The following PSME4 variants were observed in gnomAD, a reference collection of about 807,000 sequenced individuals.
PSME4 encodes proteasome activator complex subunit 4.
Under a neutral mutation model 253.9 loss-of-function variants are expected in PSME4, and 89 were observed. The observed-to-expected ratio is 0.35, with a 90% CI of 0.30 to 0.42. The LOEUF (loss-of-function observed/expected upper bound fraction) is 0.42, where lower values mean the gene tolerates loss of function less well. PSME4 is among the 10% of genes least tolerant of loss of function. The pLI, the probability that PSME4 is intolerant of heterozygous loss-of-function variation, is 1.00. For synonymous variants in PSME4, 851 were observed against 759.2 expected (o/e 1.12, Z -1.99); for missense variants, 2,014 against 2,195.2 (o/e 0.92, Z 1.65).
At chr2:53,954,154 C>G (rs1427417256) in intron 1 of PSME4, among the ~76,000 whole-genome samples, 1 of 151,894 alleles carries the variant, frequency 6.6e-6, no homozygotes, top group African/African-American at 2.4e-5. Flanking sequence ...ACAGTGAAAC[C>G]CCATCTCTAC....
Position 53,922,556 on chromosome 2 carries a change from T to C in PSME4, c.2007A>G (p.Leu669=). The C allele has an allele frequency of 6.2e-7, 1 of 1,613,074 alleles. No individual in the cohort carries two copies. Among genetic ancestry groups the C allele is most frequent in the African/African-American group, 1.3e-5 (1 of 75,024 alleles). The change falls in exon 17 of 47, where the codon CTA becomes CTG. Residue 669 remains leucine, a synonymous_variant. Coordinates refer to ENST00000404125, the MANE Select transcript of PSME4 (RefSeq NM_014614.3). ...MNDDVLNDEE[L]DKELLWNLQL... ...GAAGATTCCATAGTAATTCCTTGTC[T>C]AGCTCTTCATCATTTAATACATCAT...
chr2:53,958,261 T>A (rs989278386), intron 1 of PSME4, among the ~76,000 whole-genome samples: 2 of 143,858 alleles, frequency 1.4e-5, no homozygotes, highest in African/African-American at 5.2e-5. Context: ...GAGGCTGAGG[T>A]GGGAGAACTG....
intron 8 of PSME4, 54 bp from the exon 9 acceptor site, chr2:53,932,814 G>C (rs931740636): frequency 2.2e-6 from 3 of 1,382,824 alleles, no homozygotes; most frequent in Non-Finnish European, 3.1e-6. Flanking sequence ...TGTAAAAACA[G>C]AGGTCAACAG....
chr2:53,930,671 AT>A (rs561212871), intron 10 of PSME4, among the ~76,000 whole-genome samples: 56 of 152,338 alleles, frequency 3.7e-4, no homozygotes, highest in African/African-American at 1.3e-3. Context: ...ATTATAGATA[AT>A]GGAGGCCCAT....
chr2:53,877,893 T>C (rs1191139349), intron 41 of PSME4, among the ~76,000 whole-genome samples: 1 of 152,220 alleles, frequency 6.6e-6, no homozygotes, highest in Non-Finnish European at 1.5e-5. Flanking sequence ...ATATAATCCT[T>C]GGTATTTTAG....
At chr2:53,911,993 A>G (rs1667847659) in intron 20 of PSME4, among the ~76,000 whole-genome samples, 1 of 152,228 alleles carries the variant, frequency 6.6e-6, no homozygotes. Context: ...TATGCTGACT[A>G]CTTTAAAAAA....
chr2:53,901,628 A>C, intron 27 of PSME4, 69 bp from the exon 28 acceptor site: 1 of 1,292,944 alleles, frequency 7.7e-7, no homozygotes, highest in South Asian at 1.4e-5. Context: ...TAGCCAATGC[A>C]CCTATGTATT....
intron 37 of PSME4, among the ~76,000 whole-genome samples, chr2:53,889,140 A>C (rs1324031238): frequency 1.3e-5 from 2 of 152,056 alleles, no homozygotes; most frequent in Non-Finnish European, 2.9e-5. Flanking sequence ...TCTGCGATTA[A>C]AGTTGAGAGC....
At chr2:53,925,385 T>C (rs1558689636) in intron 14 of PSME4, among the ~76,000 whole-genome samples, 154 bp downstream of exon 14, 1 of 152,200 alleles carries the variant, frequency 6.6e-6, no homozygotes, top group Admixed American at 6.5e-5. Context: ...AATACGAAAT[T>C]TGCAAATAAT....
Position 53,921,058 on chromosome 2 carries a change from A to AGCT in PSME4, c.2090_2092dup (p.Gln697dup). 6.2e-7 allele frequency: 1 copy of AGCT among 1,614,110 alleles called. No homozygotes were observed. The highest frequency in any genetic ancestry group is 1.1e-5 in the South Asian group (1 of 91,082). On this transcript the variant is annotated inframe_insertion, in exon 18 of 47. Transcript: ENST00000404125. ...TAGGGTTCTTTGGAGAATCTTTACA[A>AGCT]GCTGCTCCCTATAAAGAAGCAACTT... is the stretch of plus-strand genomic sequence containing the variant.
At chr2:53,900,101 G>A in intron 28 of PSME4, 84 bp from the exon 29 acceptor site, 3 of 1,256,240 alleles carry the variant, frequency 2.4e-6, no homozygotes, top group Non-Finnish European at 3.3e-6. Flanking sequence ...CATGCTAAGT[G>A]AAAGAGGCCA....
intron 12 of PSME4, among the ~76,000 whole-genome samples, chr2:53,926,980 AAAG>A (rs1668585251): frequency 2.0e-5 from 3 of 149,922 alleles, no homozygotes; most frequent in African/African-American, 4.9e-5. Context: ...CTCAAAAAAA[AAAG>A]AAAGAAAGAA....
intron 28 of PSME4, among the ~76,000 whole-genome samples, chr2:53,901,108 A>G (rs1680377873): frequency 6.6e-6 from 1 of 152,156 alleles, no homozygotes; most frequent in African/African-American, 2.4e-5. Flanking sequence ...TAACAAATCA[A>G]TAACCCTTTG....
rs1680088403 is a variant in PSME4, at chr2:53,895,206, G to GT, written c.3843-131dup. The GT allele has an allele frequency of 6.9e-6, 5 of 722,542 alleles. No homozygotes were observed. The South Asian group carries it at 9.5e-5, about 14-fold the overall frequency. 44.8% of individuals were successfully genotyped at this position (722,542 alleles called of 1,614,324 possible). ...TAAGTTTGGGGAGATGAGTACAGCA[G>GT]TAACAGTCTAGGCCTTAAAAATCTA... On this transcript the variant is annotated intron_variant, in intron 33 of 46. Transcript: ENST00000404125.
rs371174780 is a variant in PSME4, at chr2:53,932,651, A to G, written c.1050+17T>C. On this transcript the variant is annotated intron_variant, in intron 9 of 46. Transcript: ENST00000404125. The stretch of plus-strand genomic sequence containing the variant: ...TTAAAAATTCCAAGCCCTATAATGC[A>G]AAACGAAGTTACTCACCAGCCAGCG... The G allele has an allele frequency of 1.3e-6, 2 of 1,588,898 alleles. No homozygotes were observed. Among genetic ancestry groups the G allele is most frequent in the African/African-American group, 1.3e-5 (1 of 74,442 alleles).
intron 1 of PSME4, among the ~76,000 whole-genome samples, chr2:53,955,972 G>C (rs1368148603): frequency 1.3e-5 from 2 of 151,966 alleles, no homozygotes; most frequent in South Asian, 2.1e-4. Flanking sequence ...CCATAAAATA[G>C]TCTCTCTGGG....
intron 3 of PSME4, among the ~76,000 whole-genome samples, chr2:53,948,202 G>T (rs889455590): frequency 3.3e-5 from 5 of 152,194 alleles, no homozygotes; most frequent in Non-Finnish European, 7.3e-5. Context: ...CAAAGAGGCA[G>T]GATGTAGGTG....
chr2:53,878,134 A>G (rs1679219654), intron 41 of PSME4, among the ~76,000 whole-genome samples: 1 of 152,226 alleles, frequency 6.6e-6, no homozygotes, highest in Non-Finnish European at 1.5e-5. Context: ...GGCTGAAGCC[A>G]TGGCAGAAGA....
chr2:53,902,261 C>T (rs1445214546), intron 27 of PSME4, among the ~76,000 whole-genome samples: 1 of 152,126 alleles, frequency 6.6e-6, no homozygotes, highest in Non-Finnish European at 1.5e-5. Flanking sequence ...TTAGTTAACA[C>T]CTGGTTGCTG....
Sources: allele counts gnomAD v4.1 joint callset (sites outside exome capture counted in the v4.1 genomes callset), GRCh38; gene constraint gnomAD v4.1.1; transcripts MANE v1.5; gene names NCBI Gene and HGNC (gene_info 2026-07-23, HGNC 2026-07-21).